ENSA: variants seen among roughly 807,000 people sequenced by gnomAD.
The protein encoded by ENSA is alpha-endosulfine.
ENSA carries 7 observed loss-of-function variants against 16.8 expected under a neutral mutation model. That is an observed-to-expected ratio of 0.42 (90% CI 0.24 to 0.78). The LOEUF is 0.78. ENSA is among the 30% of genes least tolerant of loss of function. The pLI is 0.29. For missense variants in ENSA, 87 were observed against 142.3 expected (o/e 0.61, Z 1.98); for synonymous variants, 58 against 53.4 (o/e 1.09, Z -0.37).
chr1:150,627,358 T>C, intron 2 of ENSA, 109 bp downstream of exon 2: 2 of 1,611,084 alleles, frequency 1.2e-6, no homozygotes, highest in Middle Eastern at 1.7e-4. Context: ...CCTCTACTTC[T>C]GTTCAACAAC....
chr1:150,629,370 T>G (rs1409411868), intron 1 of ENSA, 44 bp downstream of exon 1: 5 of 1,600,952 alleles, frequency 3.1e-6, no homozygotes, highest in Non-Finnish European at 4.3e-6. Flanking sequence ...TCCCGCCCCA[T>G]CACGGTCTCC....
At position 150,625,640 on chromosome 1, in the gene ENSA, A is replaced by G; in HGVS notation, c.350+2T>C. ...AGGGGAGGAGAGGGGGGCTCAGGTT[A>G]CCCCGCAAGCTTGCTGGTGACGAGC... On this transcript the variant is annotated splice_donor_variant, in intron 3 of 3. Transcript: ENST00000369014. LOFTEE classifies it high-confidence loss of function. 6.3e-7 allele frequency: 1 copy of G among 1,597,126 alleles called. No homozygotes were observed. Among genetic ancestry groups the G allele is most frequent in the Non-Finnish European group, 8.5e-7 (1 of 1,170,502 alleles).
chr1:150,628,408 T>C (rs914264109), intron 1 of ENSA, among the ~76,000 whole-genome samples: 1 of 151,958 alleles, frequency 6.6e-6, no homozygotes, highest in Middle Eastern at 3.4e-3. Context: ...AAAGATACAG[T>C]AGGCTCACTA....
At chr1:150,626,358 G>T in intron 2 of ENSA, 1 of 879,942 alleles carries the variant, frequency 1.1e-6, no homozygotes, top group South Asian at 1.4e-5. Flanking sequence ...CATGTTCCAT[G>T]ACTGTGACAG....
In ENSA at chr1:150,628,978, G is replaced by GT. The variant is rs201770029; in HGVS notation, c.57+435dup. 6.2e-4 allele frequency: 904 copies of GT among 1,452,076 alleles called. 1 individual carries two copies. The highest frequency in any genetic ancestry group is 3.2e-3 in the African/African-American group (225 of 71,200). The allele number at this position is 1,452,076 out of a possible 1,614,324, so 89.9% of individuals were successfully genotyped here. A position where few individuals can be genotyped will look rare whatever the true frequency, so the allele number is the denominator to read the frequency against. On this transcript the variant is annotated intron_variant, in intron 1 of 3. Transcript: ENST00000369014. ...ACACTTCTCCCCTCCCCCAATACTGGTTTTTTTTTAAACGTCTTTACCTCG... is the reference window on the plus strand; with the variant it reads ...ACACTTCTCCCCTCCCCCAATACTGGTTTTTTTTTTAAACGTCTTTACCTCG...
rs587711000 is a variant in ENSA at position 150,628,945 on chromosome 1, T to C, written c.57+469A>G. ...AGTTGCCGCCTTAAACTAGCCATTA[T>C]AATAACTACACTTCTCCCCTCCCCC... On this transcript the variant is annotated intron_variant, in intron 1 of 3. Transcript: ENST00000369014. 1.6e-5 allele frequency: 18 copies of C among 1,127,334 alleles called. 1 individual carries two copies. The highest frequency in any genetic ancestry group is 1.3e-4 in the South Asian group (10 of 75,282). The allele number at this position is 1,127,334 out of a possible 1,614,324, so 69.8% of individuals were successfully genotyped here. A position where few individuals can be genotyped will look rare whatever the true frequency, so the allele number is the denominator to read the frequency against.
Sources: allele counts gnomAD v4.1 joint callset (sites outside exome capture counted in the v4.1 genomes callset), GRCh38; gene constraint gnomAD v4.1.1; transcripts MANE v1.5; gene names NCBI Gene and HGNC (gene_info 2026-07-23, HGNC 2026-07-21).